Variants in LINGO2 observed in about 807,000 individuals in gnomAD.
LINGO2 encodes the protein leucine-rich repeat and immunoglobulin-like domain-containing nogo receptor-interacting protein 2.
Under a neutral mutation model 30.6 loss-of-function variants are expected in LINGO2, and 14 were observed. The observed-to-expected ratio is 0.46, with a 90% CI of 0.30 to 0.72. LINGO2 has a LOEUF of 0.72. Ranked by LOEUF, LINGO2 falls within the 30% of genes least tolerant of loss-of-function variation. The pLI is 0.07. For missense variants in LINGO2, 729 were observed against 751.7 expected (o/e 0.97, Z 0.35); for synonymous variants, 317 against 288.5 (o/e 1.10, Z -1.00).
the LINGO2 span, among the ~76,000 whole-genome samples, chr9:28,902,823 C>T: frequency 0.9 from 135,985 of 151,782 alleles, 61,187 homozygotes; most frequent in Non-Finnish European, 0.94. Context: ...TAAAAATATC[C>T]TGAGACAAAT....
chr9:28,710,852 G>T, the LINGO2 span, among the ~76,000 whole-genome samples: 1 of 152,040 alleles, frequency 6.6e-6, no homozygotes, highest in South Asian at 2.1e-4. Flanking sequence ...TCAATACTGT[G>T]AATAAAACAC....
At chr9:28,980,307 A>G in the LINGO2 span, among the ~76,000 whole-genome samples, 3 of 152,050 alleles carry the variant, frequency 2.0e-5, no homozygotes, top group Non-Finnish European at 2.9e-5. Context: ...TTCCATCTTT[A>G]TGTCTCTATA....
At chr9:29,128,175 C>T in the LINGO2 span, among the ~76,000 whole-genome samples, 1 of 152,092 alleles carries the variant, frequency 6.6e-6, no homozygotes. Flanking sequence ...CAGTGCCCAC[C>T]TAAGGTCAGA....
chr9:28,552,610 A>T (rs1479818763), intron 1 of LINGO2, among the ~76,000 whole-genome samples: 2 of 151,676 alleles, frequency 1.3e-5, no homozygotes, highest in Non-Finnish European at 2.9e-5. Flanking sequence ...TCATTATAAA[A>T]GCATATGTCT....
chr9:28,643,012 TAA>T (rs1563887561), intron 1 of LINGO2, among the ~76,000 whole-genome samples: 2 of 151,970 alleles, frequency 1.3e-5, no homozygotes, highest in Non-Finnish European at 2.9e-5. Flanking sequence ...ATGAAAACTA[TAA>T]AACACTGATG....
At chr9:28,809,615 AG>A in the LINGO2 span, among the ~76,000 whole-genome samples, 2 of 151,980 alleles carry the variant, frequency 1.3e-5, no homozygotes, top group African/African-American at 2.4e-5. Flanking sequence ...GCATGGTGGC[AG>A]GCACCTGTAA....
At chr9:28,346,714 T>A (rs568528495) in intron 3 of LINGO2, among the ~76,000 whole-genome samples, 1 of 152,168 alleles carries the variant, frequency 6.6e-6, no homozygotes, top group African/African-American at 2.4e-5. Context: ...TTTGATTTTT[T>A]AATAGCCATT....
At chr9:28,996,576 C>T in the LINGO2 span, among the ~76,000 whole-genome samples, 1 of 152,082 alleles carries the variant, frequency 6.6e-6, no homozygotes, top group Non-Finnish European at 1.5e-5. Flanking sequence ...AAGTGGAACA[C>T]CTATACTTTT....
chr9:29,048,406 C>A, the LINGO2 span, among the ~76,000 whole-genome samples: 1 of 151,868 alleles, frequency 6.6e-6, no homozygotes. Flanking sequence ...CCAAAGCAAT[C>A]TACAGCTTCA....
chr9:28,344,499 C>T (rs1458372652), intron 3 of LINGO2, among the ~76,000 whole-genome samples: 2 of 152,020 alleles, frequency 1.3e-5, no homozygotes, highest in Non-Finnish European at 2.9e-5. Flanking sequence ...TATGTCTATA[C>T]ATTCATGATT....
At chr9:28,064,035 A>C (rs566663881) in intron 4 of LINGO2, among the ~76,000 whole-genome samples, 1 of 152,268 alleles carries the variant, frequency 6.6e-6, no homozygotes, top group East Asian at 1.9e-4. Flanking sequence ...ATAAGACCAA[A>C]AACAATGTGT....
At chr9:28,795,656 T>C in the LINGO2 span, among the ~76,000 whole-genome samples, 1 of 151,702 alleles carries the variant, frequency 6.6e-6, no homozygotes, top group African/African-American at 2.4e-5. Context: ...GAAGGTAAAA[T>C]ATAAAGACTG....
At chr9:28,433,948 T>TCTCTCTCTCTCTCTCTCTCTCC (rs1386986518) in intron 2 of LINGO2, among the ~76,000 whole-genome samples, 1 of 57,646 alleles carries the variant, frequency 1.7e-5, no homozygotes, top group Non-Finnish European at 4.1e-5. Flanking sequence ...TCTCTCTCTC[T>TCTCTCTCTCTCTCTCTCTCTCC]CTATATATAT....
At chr9:28,225,965 C>T (rs1821130371) in intron 4 of LINGO2, among the ~76,000 whole-genome samples, 1 of 152,096 alleles carries the variant, frequency 6.6e-6, no homozygotes. Context: ...CAATCATTGT[C>T]ACTCTGAAAA....
chr9:28,830,217 A>C, the LINGO2 span, among the ~76,000 whole-genome samples: 2 of 152,164 alleles, frequency 1.3e-5, no homozygotes, highest in African/African-American at 4.8e-5. Context: ...GCATGGAGAA[A>C]AATGCTTGCT....
At chr9:28,549,709 T>C in intron 1 of LINGO2, among the ~76,000 whole-genome samples, 1 of 152,034 alleles carries the variant, frequency 6.6e-6, no homozygotes, top group East Asian at 1.9e-4. Flanking sequence ...AACATATTCA[T>C]TGTCTATTTT....
At chr9:28,643,930 A>G (rs967403925) in intron 1 of LINGO2, among the ~76,000 whole-genome samples, 2 of 152,156 alleles carry the variant, frequency 1.3e-5, no homozygotes, top group Admixed American at 6.5e-5. Flanking sequence ...TAGGCATACG[A>G]AATGGTGTTC....
chr9:29,189,525 A>C, the LINGO2 span, among the ~76,000 whole-genome samples: 4 of 149,362 alleles, frequency 2.7e-5, no homozygotes, highest in African/African-American at 7.5e-5. Context: ...CCCACATCTC[A>C]GACGATGGGA....
the LINGO2 span, among the ~76,000 whole-genome samples, chr9:28,684,120 ATGC>A: frequency 7.1e-6 from 1 of 141,280 alleles, no homozygotes; most frequent in African/African-American, 2.6e-5. Context: ...TTTCCATTGT[ATGC>A]ATCAATAAAT....
Sources: allele counts gnomAD v4.1 joint callset (sites outside exome capture counted in the v4.1 genomes callset), GRCh38; gene constraint gnomAD v4.1.1; transcripts MANE v1.5; gene names NCBI Gene and HGNC (gene_info 2026-07-23, HGNC 2026-07-21).